Variants in HS3ST1 observed in about 807,000 individuals in gnomAD.
The protein encoded by HS3ST1 is heparan sulfate-glucosamine 3-sulfotransferase 1.
Under a neutral mutation model 20.7 loss-of-function variants are expected in HS3ST1, and 8 were observed. The ratio of observed to expected loss-of-function variants is 0.39; its 90% confidence interval spans 0.23 to 0.70. The LOEUF is 0.70. HS3ST1 is among the 30% of genes least tolerant of loss of function. The pLI, the probability that HS3ST1 is intolerant of heterozygous loss-of-function variation, is 0.46. For synonymous variants in HS3ST1, 205 were observed against 190.4 expected (o/e 1.08, Z -0.63); for missense variants, 436 against 423.4 (o/e 1.03, Z -0.26).
intron 1 of HS3ST1, among the ~76,000 whole-genome samples, chr4:11,421,957 G>A (rs1334212323): frequency 2.0e-5 from 3 of 152,128 alleles, no homozygotes; most frequent in Non-Finnish European, 4.4e-5. Flanking sequence ...TGCAGTCCTC[G>A]CAGGACTGGG....
chr4:11,400,440 T>C (rs1718292754), intron 1 of HS3ST1, among the ~76,000 whole-genome samples: 1 of 152,198 alleles, frequency 6.6e-6, no homozygotes, highest in Non-Finnish European at 1.5e-5. Flanking sequence ...TCATATAATT[T>C]TCACGTGTCA....
intron 1 of HS3ST1, among the ~76,000 whole-genome samples, chr4:11,426,461 G>T (rs1577450817): frequency 6.6e-6 from 1 of 151,680 alleles, no homozygotes; most frequent in Admixed American, 6.6e-5. Context: ...CCAGGGGGGG[G>T]GCTTGAGGCT....
intron 1 of HS3ST1, among the ~76,000 whole-genome samples, chr4:11,420,345 G>C (rs16881636): frequency 1.3e-5 from 2 of 152,144 alleles, no homozygotes; most frequent in Non-Finnish European, 2.9e-5. Context: ...AGTCGCAGGA[G>C]AGATCTCAGA....
chr4:11,403,038 GAGAA>G (rs1718368455), intron 1 of HS3ST1, among the ~76,000 whole-genome samples: 1 of 152,084 alleles, frequency 6.6e-6, no homozygotes, highest in Admixed American at 6.6e-5. Context: ...GAGGCTAATA[GAGAA>G]AGAAATTAGC....
In HS3ST1 at chr4:11,395,931, T is replaced by C. The variant is rs1012176188; in HGVS notation, c.*3151A>G. 4.6e-5 allele frequency: 7 copies of C among 152,246 alleles called. No individual in the cohort carries two copies. The highest frequency in any genetic ancestry group is 1.7e-4 in the African/African-American group (7 of 41,462). The allele number at this position is 152,246 out of a possible 1,614,324, so 9.4% of individuals were successfully genotyped here. On this transcript the variant is annotated 3_prime_UTR_variant, in exon 2 of 2. Coordinates refer to ENST00000002596, the MANE Select transcript of HS3ST1 (RefSeq NM_005114.4). Reference sequence around the variant, plus strand: ...TCTTTGCCTTTGTACTCCAAGACCCTCTGTACTTTTATTAAAGTCCAGAAC... The same window carrying C: ...TCTTTGCCTTTGTACTCCAAGACCCCCTGTACTTTTATTAAAGTCCAGAAC...
intron 1 of HS3ST1, among the ~76,000 whole-genome samples, chr4:11,401,192 G>T (rs1718314146): frequency 6.6e-6 from 1 of 152,138 alleles, no homozygotes; most frequent in Non-Finnish European, 1.5e-5. Flanking sequence ...TTTGAAATAG[G>T]CCTGGAGGGA....
intron 1 of HS3ST1, among the ~76,000 whole-genome samples, chr4:11,418,064 A>G (rs1471654894): frequency 1.3e-5 from 2 of 152,202 alleles, no homozygotes; most frequent in African/African-American, 2.4e-5. Context: ...GGCATTTGAG[A>G]AAGATTTTCC....
At chr4:11,430,539 G>A (rs1386584618), upstream of HS3ST1, among the ~76,000 whole-genome samples, 3 of 152,152 alleles carry the variant, frequency 2.0e-5, no homozygotes, top group East Asian at 1.9e-4. Flanking sequence ...TTCAAAATAC[G>A]GGGTGGTTTT....
chr4:11,401,691 T>C (rs1186752562), intron 1 of HS3ST1, among the ~76,000 whole-genome samples: 2 of 152,234 alleles, frequency 1.3e-5, no homozygotes, highest in African/African-American at 2.4e-5. Context: ...GACACAATTC[T>C]ATTAGTCTAT....
At position 11,398,230 on chromosome 4, in the gene HS3ST1, C is replaced by T. The variant is rs1280646365; in HGVS notation, c.*852G>A. ...TTCAGACTAAGCAAAAGACTACTAC[C>T]CTTTTAGTCAGCCTTTCACAGAACC... On this transcript the variant is annotated 3_prime_UTR_variant, in exon 2 of 2. Transcript: ENST00000002596. 2 of 152,156 alleles carry T rather than the reference C, an allele frequency of 1.3e-5. No homozygotes were observed. The highest frequency in any genetic ancestry group is 2.9e-5 in the Non-Finnish European group (2 of 68,022). 9.4% of individuals were successfully genotyped at this position (152,156 alleles called of 1,614,324 possible).
chr4:11,412,127 C>T lies in HS3ST1; in HGVS notation c.-108-12014G>A, dbSNP rs143674497. ...GCTTCTATTCAGGTAATCAATAATTCGGACACATAAGATGCATATCCACAA... is the reference window on the plus strand; with the variant it reads ...GCTTCTATTCAGGTAATCAATAATTTGGACACATAAGATGCATATCCACAA... On this transcript the variant is annotated intron_variant, in intron 1 of 1. Transcript: ENST00000002596. Among the ~76,000 whole-genome samples, 445 of 152,244 alleles carry T rather than the reference C, an allele frequency of 2.9e-3. 2 individuals are homozygous for T. The highest frequency in any genetic ancestry group is 0.01 in the African/African-American group (431 of 41,534).
intron 1 of HS3ST1, among the ~76,000 whole-genome samples, chr4:11,412,097 ATAAAGC>A (rs1164117269): frequency 6.6e-6 from 1 of 152,220 alleles, no homozygotes; most frequent in East Asian, 1.9e-4. Flanking sequence ...CCAATAGCTG[ATAAAGC>A]TTCTATTCAG....
chr4:11,430,082 G>A (rs555754971), upstream of HS3ST1, among the ~76,000 whole-genome samples: 71 of 152,170 alleles, frequency 4.7e-4, no homozygotes, highest in African/African-American at 1.6e-3. Context: ...CTAAGAGAAG[G>A]TTCCTATAGG....
chr4:11,405,978 G>T (rs1439657188), intron 1 of HS3ST1, among the ~76,000 whole-genome samples: 1 of 152,194 alleles, frequency 6.6e-6, no homozygotes, highest in Non-Finnish European at 1.5e-5. Flanking sequence ...GAACAGCGAT[G>T]CCTGCCATCT....
intron 1 of HS3ST1, among the ~76,000 whole-genome samples, chr4:11,407,144 A>G (rs1718487711): frequency 6.6e-6 from 1 of 152,208 alleles, no homozygotes; most frequent in South Asian, 2.1e-4. Flanking sequence ...ACAAATGTTG[A>G]CATTCACTTT....
intron 1 of HS3ST1, among the ~76,000 whole-genome samples, chr4:11,424,861 A>AC (rs768971062): frequency 0.013 from 7 of 548 alleles, no homozygotes; most frequent in East Asian, 0.25. Context: ...CATCTCCCAC[A>AC]AAAAAAAAAA....
In HS3ST1 at chr4:11,393,498, A is replaced by G. The variant is rs1420219642; in HGVS notation, c.*5584T>C. On this transcript the variant is annotated 3_prime_UTR_variant, in exon 2 of 2. Transcript: ENST00000002596. ...GAGAAGAAAACATGCATGCAAGGTT[A>G]AGACTTTAGAGTGGATGGTCTAGAA... 6.7e-6 allele frequency: 1 copy of G among 148,530 alleles called. No homozygotes were observed. The highest frequency in any genetic ancestry group is 1.5e-5 in the Non-Finnish European group (1 of 68,024). 9.2% of individuals were successfully genotyped at this position (148,530 alleles called of 1,614,324 possible). A position where few individuals can be genotyped will look rare whatever the true frequency, so the allele number is the denominator to read the frequency against.
intron 1 of HS3ST1, among the ~76,000 whole-genome samples, chr4:11,414,493 C>A (rs949041153): frequency 6.6e-6 from 1 of 152,126 alleles, no homozygotes; most frequent in South Asian, 2.1e-4. Flanking sequence ...TTTTCAGAGG[C>A]GTCTAAAGAA....
At chr4:11,429,246 A>T (rs1430970188), upstream of HS3ST1, 1 of 152,492 alleles carries the variant, frequency 6.6e-6, no homozygotes, top group African/African-American at 2.4e-5. Flanking sequence ...GGCTGCTGGG[A>T]TGGGTGACTC....
Sources: allele counts gnomAD v4.1 joint callset (sites outside exome capture counted in the v4.1 genomes callset), GRCh38; gene constraint gnomAD v4.1.1; transcripts MANE v1.5; gene names NCBI Gene and HGNC (gene_info 2026-07-23, HGNC 2026-07-21).